KAZN: variants seen among roughly 807,000 people sequenced by gnomAD.
KAZN encodes the protein kazrin.
In KAZN, 40 loss-of-function variants were observed where a neutral mutation model predicts 87.4. The ratio of observed to expected loss-of-function variants is 0.46; its 90% confidence interval spans 0.36 to 0.60. The LOEUF (loss-of-function observed/expected upper bound fraction) is 0.60, where lower values mean the gene tolerates loss of function less well. Among genes scored for constraint, KAZN ranks in the 20% least tolerant of loss-of-function variants. The pLI, the probability that KAZN is intolerant of heterozygous loss-of-function variation, is 0.00. For synonymous variants in KAZN, 466 were observed against 458.3 expected, an observed-to-expected ratio of 1.02 and a Z score of -0.22; for missense variants, 898 against 1,073.9, an observed-to-expected ratio of 0.84 and a Z score of 2.29.
rs1282235296 is a variant in KAZN at position 14,716,816 on chromosome 1, T to TACTG, written c.226+117596_226+117599dup. Among the ~76,000 whole-genome samples the TACTG allele has an allele frequency of 6.6e-5, 10 of 152,160 alleles. 1 individual carries two copies. Among genetic ancestry groups the TACTG allele is most frequent in the Admixed American group, 4.6e-4 (7 of 15,272 alleles). On this transcript the variant is annotated intron_variant, in intron 1 of 14. Transcript: ENST00000376030. ...CAGACATGGCTCTAGCCACCACAGTTACTGACCCACTTGGTTTTGTTAAAT... is the reference window on the plus strand; with the variant it reads ...CAGACATGGCTCTAGCCACCACAGTTACTGACTGACCCACTTGGTTTTGTTAAAT...
chr1:14,535,445 A>G (rs1672441432), intron 2 of KAZN, among the ~76,000 whole-genome samples: 1 of 152,234 alleles, frequency 6.6e-6, no homozygotes, highest in African/African-American at 2.4e-5. Context: ...AGGCGGGTGG[A>G]TCACAAGGTC....
At chr1:14,682,665 GA>G (rs200281727) in intron 1 of KAZN, among the ~76,000 whole-genome samples, 139 of 150,122 alleles carry the variant, frequency 9.3e-4, no homozygotes, top group African/African-American at 1.3e-3. Flanking sequence ...ATTTTTAATG[GA>G]AAAAAAAATG....
chr1:14,459,260 C>CGT (rs969777643), intron 2 of KAZN, among the ~76,000 whole-genome samples: 1,270 of 118,076 alleles, frequency 0.011, 7 homozygotes, highest in African/African-American at 0.027. Context: ...TGTGTGTGCG[C>CGT]GTGTGTGTGT....
intron 2 of KAZN, among the ~76,000 whole-genome samples, chr1:14,492,246 G>A (rs1435543482): frequency 6.6e-6 from 1 of 152,084 alleles, no homozygotes; most frequent in African/African-American, 2.4e-5. Context: ...AGGAGTTTGG[G>A]TTCTTCTGGG....
intron 1 of KAZN, among the ~76,000 whole-genome samples, chr1:14,009,068 A>G (rs1640165599): frequency 6.6e-6 from 1 of 152,122 alleles, no homozygotes; most frequent in Admixed American, 6.5e-5. Context: ...ACAGTATTTT[A>G]TTTTTGTGAC....
At chr1:14,704,954 G>A (rs1642135683) in intron 1 of KAZN, among the ~76,000 whole-genome samples, 1 of 152,196 alleles carries the variant, frequency 6.6e-6, no homozygotes, top group Non-Finnish European at 1.5e-5. Flanking sequence ...GGTGGACAGT[G>A]TTTATAGCCC....
intron 13 of KAZN, among the ~76,000 whole-genome samples, chr1:15,110,540 CAT>C (rs1491368906): frequency 0.4 from 33,559 of 82,958 alleles, 3,772 homozygotes; most frequent in South Asian, 0.52. Flanking sequence ...TGTGTGTGTG[CAT>C]ATGTGTTTGT....
chr1:14,408,413 A>G (rs1664042048), intron 2 of KAZN, among the ~76,000 whole-genome samples: 1 of 152,220 alleles, frequency 6.6e-6, no homozygotes, highest in Admixed American at 6.5e-5. Flanking sequence ...AGAGGGGGAA[A>G]GCCAGATGTA....
At chr1:15,001,853 C>A (rs1281503273) in intron 2 of KAZN, among the ~76,000 whole-genome samples, 1 of 148,638 alleles carries the variant, frequency 6.7e-6, no homozygotes, top group African/African-American at 2.5e-5. Context: ...TCCCTCTTGG[C>A]CCCACAAAGT....
intron 2 of KAZN, among the ~76,000 whole-genome samples, chr1:14,586,843 C>T (rs1482887151): frequency 6.6e-6 from 1 of 152,128 alleles, no homozygotes; most frequent in African/African-American, 2.4e-5. Context: ...CAGTTTAATA[C>T]AGTTCAACAT....
intron 1 of KAZN, among the ~76,000 whole-genome samples, chr1:14,639,760 A>G (rs1680280429): frequency 6.6e-6 from 1 of 152,170 alleles, no homozygotes; most frequent in Non-Finnish European, 1.5e-5. Flanking sequence ...TGGCTACTGA[A>G]CACTCAGACC....
chr1:14,787,364 T>C (rs1304473972), intron 1 of KAZN, among the ~76,000 whole-genome samples: 2 of 152,170 alleles, frequency 1.3e-5, no homozygotes, highest in African/African-American at 4.8e-5. Flanking sequence ...TGGCTCAAAG[T>C]CAAGATCTGA....
intron 2 of KAZN, among the ~76,000 whole-genome samples, chr1:14,549,003 T>G (rs74057824): frequency 0.011 from 1,697 of 152,346 alleles, 30 homozygotes; most frequent in African/African-American, 0.038. Flanking sequence ...TTTACTTAGT[T>G]TATTCCTAGA....
intron 1 of KAZN, among the ~76,000 whole-genome samples, chr1:14,861,925 CGGGATT>C (rs1260278726): frequency 3.3e-5 from 5 of 152,312 alleles, no homozygotes; most frequent in Admixed American, 2.6e-4. Context: ...AAGGGAGAAA[CGGGATT>C]GGTGGCATCA....
intron 1 of KAZN, among the ~76,000 whole-genome samples, chr1:14,921,798 C>G (rs752333425): frequency 6.6e-6 from 1 of 152,180 alleles, no homozygotes; most frequent in Non-Finnish European, 1.5e-5. Context: ...TGCAGCCTCC[C>G]CCTCCTAGGT....
At chr1:14,383,343 T>G (rs140922807) in intron 2 of KAZN, among the ~76,000 whole-genome samples, 95,735 of 149,932 alleles carry the variant, frequency 0.64, 31,124 homozygotes, top group East Asian at 0.83. Flanking sequence ...GTCAATTTTG[T>G]CTTTTGTTGC....
chr1:14,793,998 AG>A (rs1453302086), intron 1 of KAZN, among the ~76,000 whole-genome samples: 3 of 152,216 alleles, frequency 2.0e-5, no homozygotes, highest in Non-Finnish European at 2.9e-5. Flanking sequence ...GGTAATCAAA[AG>A]TAACACCACA....
intron 1 of KAZN, among the ~76,000 whole-genome samples, chr1:14,903,920 A>G (rs1189112333): frequency 6.6e-6 from 1 of 152,248 alleles, no homozygotes; most frequent in African/African-American, 2.4e-5. Context: ...ATAAAGCCCC[A>G]GGATGAGAAG....
At chr1:13,982,249 G>A (rs1022927579) in intron 1 of KAZN, among the ~76,000 whole-genome samples, 12 of 152,110 alleles carry the variant, frequency 7.9e-5, no homozygotes, top group African/African-American at 1.7e-4. Context: ...AGGTGTGTCC[G>A]GAATTGGTGG....
Sources: gnomAD v4.1 joint callset for allele counts (sites outside exome capture counted in the v4.1 genomes callset) on GRCh38, gnomAD v4.1.1 for gene constraint, MANE v1.5 for transcripts, NCBI Gene and HGNC (gene_info 2026-07-23, HGNC 2026-07-21) for gene names.